ROBO2: variants seen among roughly 807,000 people sequenced by gnomAD.
The protein encoded by ROBO2 is roundabout homolog 2.
Under a neutral mutation model 160.8 loss-of-function variants are expected in ROBO2, and 53 were observed. The observed-to-expected ratio is 0.33, with a 90% CI of 0.26 to 0.41. The LOEUF is 0.41. Ranked by LOEUF, ROBO2 falls within the 10% of genes least tolerant of loss-of-function variation. The pLI is 1.00. For synonymous variants in ROBO2, 664 were observed against 611.7 expected, an observed-to-expected ratio of 1.09 and a Z score of -1.26; for missense variants, 1,577 against 1,722.4, an observed-to-expected ratio of 0.92 and a Z score of 1.49.
chr3:77,601,201 T>C (rs1431201756), intron 19 of ROBO2, among the ~76,000 whole-genome samples: 1 of 152,186 alleles, frequency 6.6e-6, no homozygotes, highest in Non-Finnish European at 1.5e-5. Flanking sequence ...GTTGAAAATG[T>C]CCTATAATGA....
At chr3:77,260,817 A>G (rs2058727257) in intron 2 of ROBO2, among the ~76,000 whole-genome samples, 1 of 152,056 alleles carries the variant, frequency 6.6e-6, no homozygotes. Flanking sequence ...CGACGTCCCT[A>G]TTTGCTTTCA....
chr3:76,467,583 A>G (rs2078429317), intron 2 of ROBO2, among the ~76,000 whole-genome samples: 1 of 152,118 alleles, frequency 6.6e-6, no homozygotes, highest in Admixed American at 6.6e-5. Context: ...AGACAATTTA[A>G]CAGCCAGCTG....
intron 2 of ROBO2, among the ~76,000 whole-genome samples, chr3:76,696,644 T>C (rs75395708): frequency 1.1e-4 from 16 of 152,328 alleles, no homozygotes; most frequent in African/African-American, 3.8e-4. Context: ...TCTACTATGA[T>C]ACGAAGTGAC....
chr3:77,452,327 A>G (rs1019982629), intron 2 of ROBO2, among the ~76,000 whole-genome samples: 34 of 152,168 alleles, frequency 2.2e-4, no homozygotes, highest in African/African-American at 8.2e-4. Context: ...TTTCATAGGA[A>G]TATTGTTTGG....
chr3:76,820,731 A>T (rs1383307867), intron 2 of ROBO2, among the ~76,000 whole-genome samples: 4 of 151,980 alleles, frequency 2.6e-5, no homozygotes, highest in Admixed American at 6.6e-5. Context: ...AGAGTCTGGA[A>T]ATATGCAGTT....
chr3:76,281,351 C>T (rs1576244289), intron 2 of ROBO2, among the ~76,000 whole-genome samples: 1 of 151,880 alleles, frequency 6.6e-6, no homozygotes, highest in South Asian at 2.1e-4. Flanking sequence ...TGGGTATATG[C>T]ATGTTTTTGA....
chr3:77,593,499 A>G (rs189554255), intron 17 of ROBO2, among the ~76,000 whole-genome samples: 1 of 152,180 alleles, frequency 6.6e-6, no homozygotes. Context: ...TGCAAAGGTT[A>G]TGTCAGGATT....
At chr3:76,798,268 G>GAAAGAAAGA (rs2063898165) in intron 2 of ROBO2, among the ~76,000 whole-genome samples, 1 of 121,704 alleles carries the variant, frequency 8.2e-6, no homozygotes, top group Non-Finnish European at 1.7e-5. Context: ...AGGAAAGAAA[G>GAAAGAAAGA]AAAGAAAGAA....
chr3:77,498,389 AAT>A (rs2087082101), intron 5 of ROBO2, among the ~76,000 whole-genome samples: 1 of 152,200 alleles, frequency 6.6e-6, no homozygotes, highest in African/African-American at 2.4e-5. Context: ...ATAATTAATG[AAT>A]ATTTCATAAA....
chr3:75,931,315 A>T (rs1307895202), intron 1 of ROBO2, among the ~76,000 whole-genome samples: 1 of 152,156 alleles, frequency 6.6e-6, no homozygotes, highest in Non-Finnish European at 1.5e-5. Flanking sequence ...CACTTGAAAG[A>T]AGTAGTTAGA....
intron 2 of ROBO2, among the ~76,000 whole-genome samples, chr3:76,616,904 G>T (rs367787704): frequency 3.5e-4 from 53 of 152,200 alleles, no homozygotes; most frequent in African/African-American, 1.2e-3. Flanking sequence ...GTGACTACAG[G>T]CATGTGCCAC....
intron 2 of ROBO2, among the ~76,000 whole-genome samples, chr3:76,359,496 A>C (rs1441665413): frequency 6.6e-6 from 1 of 152,058 alleles, no homozygotes; most frequent in Non-Finnish European, 1.5e-5. Flanking sequence ...TGAAACATTA[A>C]AAACCTAAGT....
chr3:76,680,255 C>T (rs2092522127), intron 2 of ROBO2, among the ~76,000 whole-genome samples: 1 of 151,896 alleles, frequency 6.6e-6, no homozygotes, highest in South Asian at 2.1e-4. Context: ...GCCTTACCTC[C>T]TACACCCCAA....
intron 2 of ROBO2, among the ~76,000 whole-genome samples, chr3:77,368,239 G>T (rs2071210514): frequency 8.0e-6 from 1 of 124,630 alleles, no homozygotes; most frequent in Non-Finnish European, 1.7e-5. Flanking sequence ...AAATTATTTG[G>T]GGGTCAAATA....
At chr3:76,217,944 C>T (rs1257539867) in intron 2 of ROBO2, among the ~76,000 whole-genome samples, 1 of 152,166 alleles carries the variant, frequency 6.6e-6, no homozygotes, top group Non-Finnish European at 1.5e-5. Flanking sequence ...TCCAGCAACA[C>T]ATCAAAAAGC....
At chr3:76,687,263 C>T (rs572447803) in intron 2 of ROBO2, among the ~76,000 whole-genome samples, 1 of 152,088 alleles carries the variant, frequency 6.6e-6, no homozygotes, top group Admixed American at 6.6e-5. Context: ...GGCCATGTGA[C>T]ATTGGACAAA....
intron 2 of ROBO2, among the ~76,000 whole-genome samples, chr3:76,886,100 A>G (rs11919113): frequency 0.099 from 15,026 of 152,152 alleles, 857 homozygotes; most frequent in South Asian, 0.15. Flanking sequence ...CAGAGTGTTG[A>G]CAGCTTGGGA....
chr3:77,648,466 T>C (rs1278454310), exon 26 of ROBO2: 2 of 152,192 alleles, frequency 1.3e-5, no homozygotes, highest in East Asian at 1.9e-4. Flanking sequence ...CTTCAGCATA[T>C]AAAAATTAAC....
At chr3:77,474,176 A>G (rs2083697687) in intron 2 of ROBO2, among the ~76,000 whole-genome samples, 2 of 152,130 alleles carry the variant, frequency 1.3e-5, no homozygotes, top group South Asian at 4.1e-4. Context: ...GTCCCAGGCT[A>G]TTGTATGTTC....
Sources: gnomAD v4.1 joint callset for allele counts (sites outside exome capture counted in the v4.1 genomes callset) on GRCh38, gnomAD v4.1.1 for gene constraint, MANE v1.5 for transcripts, NCBI Gene and HGNC (gene_info 2026-07-23, HGNC 2026-07-21) for gene names.